The following SYK variants were observed in gnomAD, a reference collection of about 807,000 sequenced individuals.
SYK encodes the protein spleen associated tyrosine kinase.
SYK carries 16 observed loss-of-function variants against 77.8 expected under a neutral mutation model. The observed-to-expected ratio is 0.21, with a 90% CI of 0.14 to 0.31. The LOEUF is 0.31. Ranked by LOEUF, SYK falls within the 10% of genes least tolerant of loss-of-function variation. SYK has a pLI of 1.00. For synonymous variants in SYK, 312 were observed against 308.7 expected (o/e 1.01, Z -0.11); for missense variants, 529 against 814.4 (o/e 0.65, Z 4.26).
chr9:90,897,837 C>G lies in SYK; in HGVS notation c.*2237C>G. On this transcript the variant is annotated 3_prime_UTR_variant, in exon 14 of 14. Transcript: ENST00000375754. ...TGCAGAATTCCCACTGTGGCCAGCA[C>G]GAGGAAGTCTTTTCTAGTGAAAATG... The G allele has an allele frequency of 4.5e-6, 1 of 222,878 alleles. No homozygotes were observed. The highest frequency in any genetic ancestry group is 9.0e-6 in the Non-Finnish European group (1 of 111,712). 13.8% of individuals were successfully genotyped at this position (222,878 alleles called of 1,614,324 possible).
intron 9 of SYK, among the ~76,000 whole-genome samples, chr9:90,877,036 T>C (rs1827963242): frequency 6.6e-6 from 1 of 152,172 alleles, no homozygotes; most frequent in African/African-American, 2.4e-5. Context: ...TTCAGTACTG[T>C]TCTTCACCAT....
chr9:90,802,659 T>C (rs931231923), intron 1 of SYK, among the ~76,000 whole-genome samples: 1 of 151,946 alleles, frequency 6.6e-6, no homozygotes, highest in Non-Finnish European at 1.5e-5. Context: ...CATTCTTTTG[T>C]TGGAATGTTC....
In SYK at chr9:90,830,526, C is replaced by T. The variant is rs55812751; in HGVS notation, c.-41-13332C>T. Among the ~76,000 whole-genome samples the T allele has an allele frequency of 3.6e-3, 542 of 152,064 alleles. 2 individuals are homozygous for T. Among genetic ancestry groups the T allele is most frequent in the African/African-American group, 0.013 (528 of 41,468 alleles). On this transcript the variant is annotated intron_variant, in intron 1 of 13. Coordinates refer to ENST00000375754, the MANE Select transcript of SYK (RefSeq NM_003177.7). ...TGGTCATTTCTCTGTAATTAATCAGCCAGTCCCTGACCAAACCAGCAAGAT... is the reference window on the plus strand; with the variant it reads ...TGGTCATTTCTCTGTAATTAATCAGTCAGTCCCTGACCAAACCAGCAAGAT...
In SYK at chr9:90,897,466, G is replaced by C. The variant is rs1829034009; in HGVS notation, c.*1866G>C. The C allele has an allele frequency of 4.3e-6, 1 of 232,496 alleles. No homozygotes were observed. The highest frequency in any genetic ancestry group is 8.5e-6 in the Non-Finnish European group (1 of 117,588). The allele number at this position is 232,496 out of a possible 1,614,324, so 14.4% of individuals were successfully genotyped here. A position where few individuals can be genotyped will look rare whatever the true frequency, so the allele number is the denominator to read the frequency against. On this transcript the variant is annotated 3_prime_UTR_variant, in exon 14 of 14. Transcript: ENST00000375754. ...TGAAAGGAGTGGTTGGATGTGCCAA[G>C]TTTGGTAAAGTGGTGACTGCATCTG... is the stretch of plus-strand genomic sequence containing the variant.
chr9:90,883,653 C>T (rs894466368), intron 11 of SYK, among the ~76,000 whole-genome samples: 1 of 152,110 alleles, frequency 6.6e-6, no homozygotes, highest in African/African-American at 2.4e-5. Context: ...GAGCACAAGT[C>T]CATTGGCCTA....
intron 1 of SYK, among the ~76,000 whole-genome samples, chr9:90,830,995 G>A (rs1198079190): frequency 6.6e-6 from 1 of 152,184 alleles, no homozygotes; most frequent in Admixed American, 6.5e-5. Flanking sequence ...TCTTAACAGG[G>A]CTGCTTTGCA....
chr9:90,864,980 G>C, intron 5 of SYK, 68 bp from the exon 6 acceptor site: 1 of 1,459,426 alleles, frequency 6.9e-7, no homozygotes, highest in Admixed American at 1.7e-5. Context: ...TGATTGATCT[G>C]CAGTGGGGAG....
chr9:90,875,243 A>G (rs1357497655), intron 9 of SYK, among the ~76,000 whole-genome samples: 2 of 149,988 alleles, frequency 1.3e-5, no homozygotes, highest in African/African-American at 2.5e-5. Flanking sequence ...TACAAAAAAA[A>G]TAAATAAATA....
Position 90,867,127 on chromosome 9 carries a change from C to G in SYK, c.847-4C>G. ...CTGTTCCTCTTTGCCGTTGTGGTTT[C>G]TAGACTTGGTCAGCGGGTGGAATAA... On this transcript the variant is annotated splice_polypyrimidine_tract_variant and splice_region_variant and intron_variant, in intron 6 of 13. Transcript: ENST00000375754. The G allele has an allele frequency of 6.2e-7, 1 of 1,614,122 alleles. No individual in the cohort carries two copies. Among genetic ancestry groups the G allele is most frequent in the Non-Finnish European group, 8.5e-7 (1 of 1,180,022 alleles).
Position 90,874,242 on chromosome 9 carries a change from G to T in SYK, c.954G>T (p.Val318=). The change falls in exon 8 of 14, where the codon GTG becomes GTT. Residue 318 remains valine (V), a synonymous_variant. Transcript: ENST00000375754. Reference sequence around the variant, plus strand: ...AAGGGAACCGGCAAGAGAGTACTGTGTCATTCAATCCGTATGAGCCAGAAC... The same window carrying T: ...AAGGGAACCGGCAAGAGAGTACTGTTTCATTCAATCCGTATGAGCCAGAAC... ...PAQGNRQEST[V]SFNPYEPELA... 6.2e-7 allele frequency: 1 copy of T among 1,614,216 alleles called. No homozygotes were observed. The highest frequency in any genetic ancestry group is 8.5e-7 in the Non-Finnish European group (1 of 1,180,030).
At chr9:90,853,031 C>G (rs182877028) in intron 3 of SYK, among the ~76,000 whole-genome samples, 3 of 152,124 alleles carry the variant, frequency 2.0e-5, no homozygotes, top group East Asian at 3.9e-4. Flanking sequence ...TCCCCACCCC[C>G]ACTTGTGCTG....
At chr9:90,832,978 G>A (rs372683902) in intron 1 of SYK, among the ~76,000 whole-genome samples, 3 of 152,184 alleles carry the variant, frequency 2.0e-5, no homozygotes, top group Admixed American at 1.3e-4. Flanking sequence ...CTGCTCATAC[G>A]GCTGGTCACT....
chr9:90,894,547 G>A (rs1252651532), intron 13 of SYK, among the ~76,000 whole-genome samples: 1 of 152,172 alleles, frequency 6.6e-6, no homozygotes. Flanking sequence ...CGCGTTCTAT[G>A]GCTGTTCTCT....
chr9:90,819,457 G>A (rs1825426075), intron 1 of SYK, among the ~76,000 whole-genome samples: 1 of 152,204 alleles, frequency 6.6e-6, no homozygotes, highest in African/African-American at 2.4e-5. Context: ...AGTTCCACAT[G>A]GCTGGGGAGG....
At chr9:90,892,731 C>A (rs1828842814) in intron 13 of SYK, among the ~76,000 whole-genome samples, 1 of 152,200 alleles carries the variant, frequency 6.6e-6, no homozygotes, top group African/African-American at 2.4e-5. Flanking sequence ...AAAGCCCTTG[C>A]AAATGGAGAG....
chr9:90,824,317 A>G (rs1825603954), intron 1 of SYK, among the ~76,000 whole-genome samples: 1 of 152,194 alleles, frequency 6.6e-6, no homozygotes, highest in South Asian at 2.1e-4. Flanking sequence ...TAAGAAAGAA[A>G]GAATACCAGT....
In SYK at chr9:90,843,912, G is replaced by A. The variant is rs2118628028; in HGVS notation, c.14G>A (p.Gly5Asp). The A allele has an allele frequency of 3.2e-6, 5 of 1,541,384 alleles. No homozygotes were observed. The highest frequency in any genetic ancestry group is 4.4e-6 in the Non-Finnish European group (5 of 1,142,440). Residue 5 changes from glycine to aspartate, a missense_variant, in exon 2 of 14, where the codon GGC (glycine) becomes GAC (aspartate). Transcript: ENST00000375754. MASS[G>D]MADSANHLPF... is the part of the protein sequence containing the mutation. ...GGCCCCTGAAGCATGGCCAGCAGCG[G>A]CATGGCTGACAGCGCCAACCACCTG...
In SYK at chr9:90,884,395, A is replaced by G. The variant is rs1828344911; in HGVS notation, c.1582-3354A>G. ...CACACATACGTGTATATATGCATACATACACATATGTGTATATATACATAC... is the reference window on the plus strand; with the variant it reads ...CACACATACGTGTATATATGCATACGTACACATATGTGTATATATACATAC... On this transcript the variant is annotated intron_variant, in intron 11 of 13. Transcript: ENST00000375754. 5.4e-5 allele frequency among the ~76,000 whole-genome samples: 2 copies of G among 36,848 alleles called. 1 individual carries two copies. The highest frequency in any genetic ancestry group is 1.4e-3 in the South Asian group (2 of 1,416). 24.2% of individuals were successfully genotyped at this position (36,848 alleles called of 152,430 possible).
At chr9:90,805,446 T>A (rs1010524744) in intron 1 of SYK, among the ~76,000 whole-genome samples, 7 of 152,164 alleles carry the variant, frequency 4.6e-5, no homozygotes, top group African/African-American at 1.7e-4. Flanking sequence ...GCTGCAGGTC[T>A]ACCGAGCAGG....
Sources: allele counts gnomAD v4.1 joint callset (sites outside exome capture counted in the v4.1 genomes callset), GRCh38; gene constraint gnomAD v4.1.1; transcripts MANE v1.5; gene names NCBI Gene and HGNC (gene_info 2026-07-23, HGNC 2026-07-21).